Variants in MYH3 observed in about 807,000 individuals in gnomAD.
MYH3 encodes the protein myosin-3.
A neutral mutation model predicts 238.0 loss-of-function variants in MYH3; 130 were observed. That is an observed-to-expected ratio of 0.55 (90% CI 0.47 to 0.63). MYH3 has a LOEUF of 0.63. Ranked by LOEUF, MYH3 falls within the 30% of genes least tolerant of loss-of-function variation. The probability of loss-of-function intolerance (pLI) is 0.00; values close to 1 mark genes in which losing one functional copy is unlikely to be tolerated. For missense variants in MYH3, 1,853 were observed against 2,374.9 expected (o/e 0.78, Z 4.57); for synonymous variants, 880 against 924.1 (o/e 0.95, Z 0.86).
chr17:10,639,840 T>C lies in MYH3; in HGVS notation c.2683-38A>G, dbSNP rs370214282. On this transcript the variant is annotated intron_variant, in intron 22 of 40. Coordinates refer to ENST00000583535, the MANE Select transcript of MYH3 (RefSeq NM_002470.4). ...AGAATAATAACTTCGTTGAATGATATAAGGTTTGCGACATTCCAGTATTTC... is the reference window on the plus strand; with the variant it reads ...AGAATAATAACTTCGTTGAATGATACAAGGTTTGCGACATTCCAGTATTTC... 5.0e-6 allele frequency: 8 copies of C among 1,612,318 alleles called. No individual in the cohort carries two copies. The Admixed American group carries it at 5.0e-5, about 10-fold the overall frequency.
Position 10,638,927 on chromosome 17 carries a change from C to T in MYH3, c.3285G>A (p.Val1095=). 1 of 1,614,186 alleles carries T rather than the reference C, an allele frequency of 6.2e-7. No individual in the cohort carries two copies. Among genetic ancestry groups the T allele is most frequent in the Non-Finnish European group, 8.5e-7 (1 of 1,180,020 alleles). The change falls in exon 26 of 41, where the codon GTG becomes GTA. Residue 1095 remains valine, a synonymous_variant. Transcript: ENST00000583535. ...DFEYCQLQSK[V]EDEQTLGLQF... ...GGAGGCCCAGTGTCTGCTCATCTTC[C>T]ACTTTGCTTTGAAGTTGACAATATT...
At chr17:10,640,807 T>C in intron 19 of MYH3, 121 bp from the exon 20 acceptor site, 1 of 1,277,894 alleles carries the variant, frequency 7.8e-7, no homozygotes, top group South Asian at 1.3e-5. Flanking sequence ...ATGAGGGAAC[T>C]AGCTCGGAGT....
At chr17:10,660,670 C>CCTTATTTTTT (rs1262164567), upstream of MYH3, among the ~76,000 whole-genome samples, 4 of 106,052 alleles carry the variant, frequency 3.8e-5, no homozygotes, top group African/African-American at 5.0e-5. Context: ...GAGTGAGACT[C>CCTTATTTTTT]TGACTCGGAA....
In MYH3 at chr17:10,632,005, G is replaced by A; in HGVS notation, c.4968C>T (p.Leu1656=). 1 of 1,613,532 alleles carries A rather than the reference G, an allele frequency of 6.2e-7. No homozygotes were observed. Among genetic ancestry groups the A allele is most frequent in the Non-Finnish European group, 8.5e-7 (1 of 1,180,044 alleles). Residue 1656 remains leucine, a synonymous_variant, in exon 35 of 41, where the codon CTC becomes CTT. Coordinates refer to ENST00000583535, the MANE Select transcript of MYH3 (RefSeq NM_002470.4). ...SVQGQLKDTQ[L]HLDDALRGQE... ...GGCCCCGGAGGGCATCATCCAGGTG[G>A]AGCTGCGTATCCTAGCCAGAGAAAA...
chr17:10,641,508 CTTTTTTTTTTTT>C (rs541839271), intron 17 of MYH3, 136 bp from the exon 18 acceptor site: 5 of 117,492 alleles, frequency 4.3e-5, no homozygotes, highest in Admixed American at 1.4e-4. Context: ...TTAACTCTGT[CTTTTTTTTTTTT>C]TTTTTTTTTT....
intron 36 of MYH3, 43 bp downstream of exon 36, chr17:10,631,568 G>A (rs1476088210): frequency 1.2e-6 from 2 of 1,614,048 alleles, no homozygotes; most frequent in African/African-American, 2.7e-5. Context: ...TTAATGCAAT[G>A]CAATCCCGGC....
rs943562204 is a variant in MYH3 at position 10,645,604 on chromosome 17, T to C, written c.1141+103A>G. The C allele has an allele frequency of 2.2e-5, 32 of 1,434,430 alleles. No individual in the cohort carries two copies. The African/African-American group carries it at 4.0e-4, about 18-fold the overall frequency. The allele number at this position is 1,434,430 out of a possible 1,614,324, so 88.9% of individuals were successfully genotyped here. ...TCCCAAAGTGCTGGGATTACAGGTG[T>C]GAGCCACTGTGCCTGGCTGGATTAA... is the stretch of plus-strand genomic sequence containing the variant. On this transcript the variant is annotated intron_variant, in intron 12 of 40. Coordinates refer to ENST00000583535, the MANE Select transcript of MYH3 (RefSeq NM_002470.4).
Position 10,629,752 on chromosome 17 carries a change from A to C in MYH3, c.5659-18T>G, listed in dbSNP as rs772563939. ...TGTTCATCCTAAAACCAAAGAGCCC[A>C]GGCAGGTTATATCAGCACGCGCCTC... On this transcript the variant is annotated intron_variant, in intron 39 of 40. Transcript: ENST00000583535. 4 of 1,614,126 alleles carry C rather than the reference A, an allele frequency of 2.5e-6. No homozygotes were observed. Among genetic ancestry groups the C allele is most frequent in the Admixed American group, 1.7e-5 (1 of 60,012 alleles).
chr17:10,657,637 A>G (rs1185980052), upstream of MYH3, among the ~76,000 whole-genome samples: 1 of 151,830 alleles, frequency 6.6e-6, no homozygotes, highest in Non-Finnish European at 1.5e-5. Context: ...TCACACCCTG[A>G]ACGCGGCGTG....
At chr17:10,645,060 G>GA (rs2074307442) in intron 12 of MYH3, among the ~76,000 whole-genome samples, 2 of 139,046 alleles carry the variant, frequency 1.4e-5, no homozygotes, top group Non-Finnish European at 3.1e-5. Flanking sequence ...TTTTTTTTGA[G>GA]ACAGTCTTAC....
the MYH3 span, among the ~76,000 whole-genome samples, chr17:10,667,106 A>T: frequency 1.3e-5 from 2 of 152,204 alleles, no homozygotes; most frequent in Non-Finnish European, 2.9e-5. Context: ...ACACACTCAC[A>T]CTTTTCTGGT....
At chr17:10,635,905 C>A in intron 28 of MYH3, 52 bp from the exon 29 acceptor site, 1 of 1,463,206 alleles carries the variant, frequency 6.8e-7, no homozygotes, top group Non-Finnish European at 9.6e-7. Context: ...ATTCACTCAC[C>A]AACTTTCTAT....
At chr17:10,655,216 G>A in intron 2 of MYH3, 144 bp from the exon 3 acceptor site, 3 of 707,030 alleles carry the variant, frequency 4.2e-6, no homozygotes, top group Non-Finnish European at 7.6e-6. Context: ...CTGTCCTCAT[G>A]CCTTGAGAAG....
Position 10,633,789 on chromosome 17 carries a change from A to G in MYH3, c.4523-74T>C, listed in dbSNP as rs1227514642. On this transcript the variant is annotated intron_variant, in intron 32 of 40. Transcript: ENST00000583535. ...TCCAGACATGCAAAGCATTGACTCAATGCTTTTTACCTGGTTTATTATAAT... is the reference window on the plus strand; with the variant it reads ...TCCAGACATGCAAAGCATTGACTCAGTGCTTTTTACCTGGTTTATTATAAT... 14 of 1,589,878 alleles carry G rather than the reference A, an allele frequency of 8.8e-6. No homozygotes were observed. In the African/African-American group the frequency reaches 1.5e-4, roughly 17 times the overall value.
At chr17:10,638,680 T>C (rs1327273071) in intron 26 of MYH3, among the ~76,000 whole-genome samples, 193 bp downstream of exon 26, 1 of 152,238 alleles carries the variant, frequency 6.6e-6, no homozygotes, top group African/African-American at 2.4e-5. Context: ...AATACTTTAA[T>C]TATGGATTAA....
chr17:10,632,103 TTTGTTTGTTTTTG>T lies in MYH3; in HGVS notation c.4957-100_4957-88del, dbSNP rs923788060. On this transcript the variant is annotated intron_variant, in intron 34 of 40. Transcript: ENST00000583535. ...TGCATCTCTGAGTTTTGTTTGTTTG[TTTGTTTGTTTTTG>T]TTTTGTTTTGTTTTGTTTGTTTTGA... 2,054 of 1,423,454 alleles carry T rather than the reference TTTGTTTGTTTTTG, an allele frequency of 1.4e-3. 2 individuals carry two copies. Among genetic ancestry groups the T allele is most frequent in the Non-Finnish European group, 1.7e-3 (1,811 of 1,056,240 alleles). 88.2% of individuals were successfully genotyped at this position (1,423,454 alleles called of 1,614,324 possible). A position where few individuals can be genotyped will look rare whatever the true frequency, so the allele number is the denominator to read the frequency against.
At chr17:10,670,238 T>C in the MYH3 span, among the ~76,000 whole-genome samples, 1 of 152,118 alleles carries the variant, frequency 6.6e-6, no homozygotes, top group African/African-American at 2.4e-5. The surrounding 1 kb of genome is among the most constrained non-coding windows in gnomAD (Gnocchi z 7.0). Context: ...CAAAGAGTAG[T>C]AGGTCAAGGG....
the MYH3 span, among the ~76,000 whole-genome samples, chr17:10,663,395 A>G: frequency 6.6e-6 from 1 of 152,284 alleles, no homozygotes; most frequent in East Asian, 1.9e-4. Flanking sequence ...AGGGAATGCT[A>G]GGGCACTCTG....
Position 10,629,853 on chromosome 17 carries a change from C to T in MYH3, c.5647G>A (p.Ala1883Thr). The change falls in exon 39 of 41, where the codon GCG becomes ACG. Residue 1883 changes from alanine to threonine, a missense_variant. Ala to Thr is a moderately conservative substitution (Grantham distance 58, BLOSUM62 0). Transcript: ENST00000583535. ...QVKVKSYKRQAEEADEQANAH... is the reference protein window; with the variant it reads ...QVKVKSYKRQTEEADEQANAH... ...CCTATCTCACTTACAGCCTCCTCCG[C>T]CTGCCTCTTGTAGGACTTGACTTTC... 6.2e-7 allele frequency: 1 copy of T among 1,614,150 alleles called. No homozygotes were observed. The highest frequency in any genetic ancestry group is 8.5e-7 in the Non-Finnish European group (1 of 1,180,044).
Sources: allele counts gnomAD v4.1 joint callset (sites outside exome capture counted in the v4.1 genomes callset), GRCh38; gene constraint gnomAD v4.1.1; non-coding constraint Gnocchi (gnomAD v3.1); transcripts MANE v1.5; gene names NCBI Gene and HGNC (gene_info 2026-07-23, HGNC 2026-07-21).